The following ENAH variants were observed in gnomAD, a reference collection of about 807,000 sequenced individuals.
The protein encoded by ENAH is ENAH actin regulator.
In ENAH, 23 loss-of-function variants were observed where a neutral mutation model predicts 78.7. The ratio of observed to expected loss-of-function variants is 0.29; its 90% CI spans 0.21 to 0.41. The LOEUF (loss-of-function observed/expected upper bound fraction) is 0.41. Ranked by LOEUF, ENAH falls within the 10% of genes least tolerant of loss-of-function variation. The pLI is 1.00. For synonymous variants in ENAH, 226 were observed against 241.0 expected (o/e 0.94, Z 0.58); for missense variants, 544 against 691.0 (o/e 0.79, Z 2.39).
chr1:225,611,619 C>T (rs966175107), intron 1 of ENAH, among the ~76,000 whole-genome samples: 1 of 150,330 alleles, frequency 6.7e-6, no homozygotes, highest in Non-Finnish European at 1.5e-5. Flanking sequence ...CTTGCCCAGA[C>T]AAAAAAAAAA....
intron 3 of ENAH, among the ~76,000 whole-genome samples, chr1:225,545,388 A>T (rs1045857300): frequency 1.3e-5 from 2 of 152,218 alleles, no homozygotes; most frequent in African/African-American, 4.8e-5. Flanking sequence ...ATTCCTAACA[A>T]TTATTAAAGA....
rs1663319667 is a variant in ENAH, at chr1:225,652,913, G to T, written c.-223C>A. 1 of 393,210 alleles carries T rather than the reference G, an allele frequency of 2.5e-6. No homozygotes were observed. The highest frequency in any genetic ancestry group is 4.5e-6 in the Non-Finnish European group (1 of 223,428). The allele number at this position is 393,210 out of a possible 1,614,324, so 24.4% of individuals were successfully genotyped here. ...GCGAGAGAAAGGCTGGGGAGGGGGCGGAGAGGCCGAGGCGCGGAGCTGGTC... is the reference window on the plus strand; with the variant it reads ...GCGAGAGAAAGGCTGGGGAGGGGGCTGAGAGGCCGAGGCGCGGAGCTGGTC... On this transcript the variant is annotated 5_prime_UTR_variant, in exon 1 of 14. Transcript: ENST00000366843.
chr1:225,503,844 A>G (rs2096304109), intron 11 of ENAH, among the ~76,000 whole-genome samples: 1 of 152,144 alleles, frequency 6.6e-6, no homozygotes, highest in African/African-American at 2.4e-5. Flanking sequence ...TGCAATAGAC[A>G]TCCACTATGA....
intron 3 of ENAH, among the ~76,000 whole-genome samples, chr1:225,551,036 A>T (rs1184397676): frequency 6.6e-6 from 1 of 152,210 alleles, no homozygotes; most frequent in East Asian, 1.9e-4. Context: ...AAATCTATAA[A>T]TGTACTGGAT....
At chr1:225,571,395 G>GA (rs1249247972) in intron 1 of ENAH, among the ~76,000 whole-genome samples, 6 of 151,498 alleles carry the variant, frequency 4.0e-5, no homozygotes, top group African/African-American at 1.5e-4. Context: ...AAAAAAGAAA[G>GA]AAAAACAAAA....
At chr1:225,532,037 A>C (rs1415889820) in intron 3 of ENAH, among the ~76,000 whole-genome samples, 1 of 152,100 alleles carries the variant, frequency 6.6e-6, no homozygotes, top group African/African-American at 2.4e-5. Flanking sequence ...TCAATAACAA[A>C]AAAAAACAAA....
At chr1:225,522,424 A>C (rs1296249238) in intron 4 of ENAH, among the ~76,000 whole-genome samples, 2 of 152,212 alleles carry the variant, frequency 1.3e-5, no homozygotes, top group Non-Finnish European at 2.9e-5. Context: ...ATTTATGAGT[A>C]GTTATTTATT....
intron 3 of ENAH, among the ~76,000 whole-genome samples, chr1:225,540,442 A>T (rs570233384): frequency 6.6e-6 from 1 of 152,240 alleles, no homozygotes; most frequent in East Asian, 1.9e-4. Context: ...TTTATAGGAG[A>T]AAAAAAGAAT....
Position 225,565,762 on chromosome 1 carries a change from A to AG in ENAH, c.171+1486dup, listed in dbSNP as rs796967773. 3.3e-4 allele frequency among the ~76,000 whole-genome samples: 51 copies of AG among 152,266 alleles called. 1 individual carries two copies. Among genetic ancestry groups the AG allele is most frequent in the African/African-American group, 1.2e-3 (49 of 41,550 alleles). On this transcript the variant is annotated intron_variant, in intron 2 of 13. Coordinates refer to ENST00000366843, the MANE Select transcript of ENAH (RefSeq NM_018212.6). ...AGAACCTGGACTACAAATGGGACAA[A>AG]GGGGGCTCTTGGTAAAAAGCCTGGG...
chr1:225,639,665 T>A (rs1400365952), intron 1 of ENAH, among the ~76,000 whole-genome samples: 1 of 151,476 alleles, frequency 6.6e-6, no homozygotes. Flanking sequence ...CAGTCTGTGG[T>A]ATCTGTTATA....
intron 3 of ENAH, among the ~76,000 whole-genome samples, chr1:225,553,502 C>T (rs2096651663): frequency 6.6e-6 from 1 of 151,020 alleles, no homozygotes; most frequent in Non-Finnish European, 1.5e-5. Flanking sequence ...ACGGGATAGT[C>T]AAATGTCTAC....
chr1:225,505,868 G>A (rs2096324417), intron 11 of ENAH, among the ~76,000 whole-genome samples: 1 of 152,138 alleles, frequency 6.6e-6, no homozygotes, highest in East Asian at 1.9e-4. Context: ...CCACCTAACA[G>A]AATTGGAACA....
chr1:225,498,278 G>T, intron 13 of ENAH, 69 bp downstream of exon 13: 3 of 1,272,120 alleles, frequency 2.4e-6, no homozygotes, highest in Non-Finnish European at 3.4e-6. Flanking sequence ...TTCCTTATTT[G>T]CATTTTCTTA....
Position 225,520,559 on chromosome 1 carries a change from T to A in ENAH, c.435-994A>T, listed in dbSNP as rs538548375. Reference sequence around the variant, plus strand: ...GAAATCTGCTTTCCTTTCTCTCACTTAATATATTGTGAAAGTTGGTCTGGG... The same window carrying A: ...GAAATCTGCTTTCCTTTCTCTCACTAAATATATTGTGAAAGTTGGTCTGGG... On this transcript the variant is annotated intron_variant, in intron 4 of 13. Coordinates refer to ENST00000366843, the MANE Select transcript of ENAH (RefSeq NM_018212.6). Among the ~76,000 whole-genome samples, 3 of 152,208 alleles carry A rather than the reference T, an allele frequency of 2.0e-5. No individual in the cohort carries two copies. The South Asian group carries it at 6.2e-4, about 32-fold the overall frequency.
At chr1:225,612,344 T>C (rs150913259) in intron 1 of ENAH, among the ~76,000 whole-genome samples, 1 of 152,338 alleles carries the variant, frequency 6.6e-6, no homozygotes, top group East Asian at 1.9e-4. Context: ...ATGTACTATA[T>C]AATTCCATTT....
intron 1 of ENAH, among the ~76,000 whole-genome samples, chr1:225,627,980 A>G (rs1024723874): frequency 7.2e-5 from 11 of 152,240 alleles, no homozygotes; most frequent in African/African-American, 2.4e-4. Context: ...AGAAAAGGGC[A>G]GTTACTTCAT....
At chr1:225,534,843 A>G (rs749254730) in intron 3 of ENAH, among the ~76,000 whole-genome samples, 2 of 152,138 alleles carry the variant, frequency 1.3e-5, no homozygotes, top group African/African-American at 2.4e-5. Context: ...CCTTAGATAT[A>G]TATCTTATTC....
chr1:225,608,628 C>A (rs1377609980), intron 1 of ENAH, among the ~76,000 whole-genome samples: 3 of 151,620 alleles, frequency 2.0e-5, no homozygotes, highest in Non-Finnish European at 4.4e-5. Flanking sequence ...CCAGCCTCAT[C>A]AACATGGCGA....
chr1:225,589,428 AAATT>A (rs1194126057), intron 1 of ENAH, among the ~76,000 whole-genome samples: 2 of 152,206 alleles, frequency 1.3e-5, no homozygotes, highest in Non-Finnish European at 2.9e-5. Context: ...ATAAATAAAT[AAATT>A]ATAGTCAGCC....
Sources: allele counts gnomAD v4.1 joint callset (sites outside exome capture counted in the v4.1 genomes callset), GRCh38; gene constraint gnomAD v4.1.1; transcripts MANE v1.5; gene names NCBI Gene and HGNC (gene_info 2026-07-23, HGNC 2026-07-21).